XIRP2: variants seen among roughly 807,000 people sequenced by gnomAD.
XIRP2 encodes xin actin binding repeat containing 2.
XIRP2 carries 236 observed loss-of-function variants against 277.0 expected under a neutral mutation model. That is an observed-to-expected ratio of 0.85 (90% CI 0.77 to 0.95). The LOEUF is 0.95. Ranked by LOEUF, XIRP2 falls within the 40% of genes least tolerant of loss-of-function variation. The pLI is 0.00. For synonymous variants in XIRP2, 1,490 were observed against 1,416.5 expected (o/e 1.05, Z -1.17); for missense variants, 4,640 against 4,157.5 (o/e 1.12, Z -3.19).
chr2:166,906,334 A>G (rs1459724916), intron 2 of XIRP2, among the ~76,000 whole-genome samples: 4 of 152,082 alleles, frequency 2.6e-5, no homozygotes, highest in Non-Finnish European at 4.4e-5. Flanking sequence ...TATCGTGTAT[A>G]TGTACATCTA....
chr2:167,251,992 G>A (rs770819140), intron 9 of XIRP2, 45 bp downstream of exon 9: 6 of 1,512,092 alleles, frequency 4.0e-6, no homozygotes, highest in East Asian at 2.3e-5. Context: ...CCATTTAAAG[G>A]CATGTGTTCC....
intron 2 of XIRP2, among the ~76,000 whole-genome samples, chr2:167,090,914 G>A: frequency 6.6e-6 from 1 of 152,046 alleles, no homozygotes; most frequent in East Asian, 1.9e-4. Flanking sequence ...CCCTACTGGG[G>A]ATGAAATTTT....
intron 2 of XIRP2, among the ~76,000 whole-genome samples, chr2:166,940,878 G>T (rs550620399): frequency 2.1e-3 from 324 of 152,292 alleles, no homozygotes; most frequent in Middle Eastern, 6.8e-3. Flanking sequence ...CTCCCTGTTA[G>T]GCTACTCGGG....
At chr2:167,120,949 G>A (rs1034427284) in intron 2 of XIRP2, among the ~76,000 whole-genome samples, 1 of 151,940 alleles carries the variant, frequency 6.6e-6, no homozygotes, top group South Asian at 2.1e-4. Flanking sequence ...ATATCTTTGG[G>A]GTAGCTACCA....
rs1267489155 is a variant in XIRP2 at position 167,254,079 on chromosome 2, A to G, written c.10603A>G (p.Ser3535Gly). Residue 3535 changes from serine (S) to glycine (G), a missense_variant, in exon 10 of 11, where the codon AGT becomes GGT. Ser to Gly is a moderately conservative substitution (Grantham distance 56, BLOSUM62 0). Coordinates refer to ENST00000409195, the MANE Select transcript of XIRP2 (RefSeq NM_152381.6). ...QGNMYTLSKD[S>G]LSNGVPSGRQ... ...AAATATGTATACTTTGTCAAAAGAC[A>G]GTTTATCCAATGGAGTGCCTAGTGG... 10 of 1,609,412 alleles carry G rather than the reference A, an allele frequency of 6.2e-6. No individual in the cohort carries two copies. Among genetic ancestry groups the G allele is most frequent in the Non-Finnish European group, 8.5e-6 (10 of 1,177,640 alleles).
chr2:167,146,215 C>G (rs4533448), intron 3 of XIRP2, among the ~76,000 whole-genome samples: 37,908 of 151,472 alleles, frequency 0.25, 6,080 homozygotes, highest in African/African-American at 0.47. Flanking sequence ...TTTAATTATA[C>G]AGAACTGGGC....
chr2:167,244,297 G>C lies in XIRP2; in HGVS notation c.2905G>C (p.Glu969Gln). 1.2e-6 allele frequency: 2 copies of C among 1,613,826 alleles called. No individual in the cohort carries two copies. Among genetic ancestry groups the C allele is most frequent in the Admixed American group, 3.3e-5 (2 of 59,994 alleles). Residue 969 changes from glutamate to glutamine, a missense_variant, in exon 9 of 11, where the codon GAA becomes CAA. Transcript: ENST00000409195. ...KFDASHKIEV[E>Q]GVTRGAVELN... is the part of the protein sequence containing the mutation. ...TGATGCATCACATAAAATAGAGGTG[G>C]AAGGAGTTACAAGAGGTGCTGTAGA...
intron 2 of XIRP2, among the ~76,000 whole-genome samples, chr2:167,101,113 TA>T (rs1690475104): frequency 6.6e-6 from 1 of 152,196 alleles, no homozygotes; most frequent in African/African-American, 2.4e-5. Context: ...ATTCTAATTC[TA>T]AAAGTGTAAT....
At chr2:167,151,027 A>G (rs1181565154) in intron 3 of XIRP2, among the ~76,000 whole-genome samples, 2 of 152,114 alleles carry the variant, frequency 1.3e-5, no homozygotes, top group African/African-American at 4.8e-5. Flanking sequence ...ATAAAATCCT[A>G]CAACTTCAAA....
In XIRP2 at chr2:167,250,155, A is replaced by C. The variant is rs753066799; in HGVS notation, c.8763A>C (p.Thr2921=). The change falls in exon 9 of 11, where the codon ACA becomes ACC. Residue 2921 remains threonine, a synonymous_variant. Transcript: ENST00000409195. ...SNTKDSKQEI[T]QNKSFFSSVK... Reference sequence around the variant, plus strand: ...CTAAAGATTCAAAGCAAGAGATTACACAGAACAAATCTTTCTTTTCCTCTG... The same window carrying C: ...CTAAAGATTCAAAGCAAGAGATTACCCAGAACAAATCTTTCTTTTCCTCTG... 4.3e-6 allele frequency: 7 copies of C among 1,613,588 alleles called. No homozygotes were observed. The South Asian group carries it at 6.6e-5, about 15-fold the overall frequency.
At chr2:167,069,779 A>G (rs1178127525) in intron 2 of XIRP2, among the ~76,000 whole-genome samples, 1 of 152,044 alleles carries the variant, frequency 6.6e-6, no homozygotes, top group Non-Finnish European at 1.5e-5. Context: ...CTCTAGGTTT[A>G]TTTCATTTTT....
In XIRP2 at chr2:166,923,232, C is replaced by T. The variant is rs911696940; in HGVS notation, c.408+19342C>T. On this transcript the variant is annotated intron_variant, in intron 2 of 10. Transcript: ENST00000409195. The stretch of plus-strand genomic sequence containing the variant: ...AACGGTAAAAGTAACTGTAAAGTTA[C>T]AATGAGTGTACTATAAACATTGCCA... 3.9e-5 allele frequency among the ~76,000 whole-genome samples: 6 copies of T among 152,170 alleles called. No homozygotes were observed. The East Asian group carries it at 7.8e-4, about 20-fold the overall frequency.
intron 3 of XIRP2, among the ~76,000 whole-genome samples, chr2:167,165,347 T>A (rs1381704021): frequency 1.3e-5 from 2 of 152,210 alleles, no homozygotes; most frequent in Non-Finnish European, 2.9e-5. Flanking sequence ...TTTTTAACTC[T>A]TTTGGGTAAA....
At chr2:167,166,212 G>A (rs1044712175) in intron 3 of XIRP2, among the ~76,000 whole-genome samples, 3 of 151,744 alleles carry the variant, frequency 2.0e-5, no homozygotes, top group African/African-American at 7.3e-5. Flanking sequence ...TTTCTTTGAT[G>A]CATGTCACAC....
intron 3 of XIRP2, among the ~76,000 whole-genome samples, chr2:167,180,135 T>C (rs1489670865): frequency 6.6e-6 from 1 of 152,208 alleles, no homozygotes; most frequent in African/African-American, 2.4e-5. Flanking sequence ...TGAGATCAGT[T>C]GTCTTTTTTC....
chr2:166,904,690 A>T (rs985445305), intron 2 of XIRP2, among the ~76,000 whole-genome samples: 15 of 152,264 alleles, frequency 9.9e-5, no homozygotes, highest in African/African-American at 3.6e-4. Context: ...GCCTGTACAT[A>T]ATAGAAATTA....
intron 3 of XIRP2, among the ~76,000 whole-genome samples, chr2:167,159,689 C>A (rs1317395434): frequency 1.3e-5 from 2 of 151,058 alleles, no homozygotes; most frequent in African/African-American, 4.9e-5. Context: ...AATAAAAAAA[C>A]AATAAAAGGA....
intron 2 of XIRP2, among the ~76,000 whole-genome samples, chr2:167,115,405 A>G (rs142034493): frequency 6.6e-6 from 1 of 152,110 alleles, no homozygotes; most frequent in Non-Finnish European, 1.5e-5. Flanking sequence ...TAATGCATTC[A>G]TTTAGAGGAA....
intron 2 of XIRP2, among the ~76,000 whole-genome samples, chr2:166,962,416 T>G (rs1209832053): frequency 6.6e-6 from 1 of 151,686 alleles, no homozygotes; most frequent in East Asian, 1.9e-4. Flanking sequence ...TGTCATTGGA[T>G]ACACTAAAGA....
Sources: gnomAD v4.1 joint callset for allele counts (sites outside exome capture counted in the v4.1 genomes callset) on GRCh38, gnomAD v4.1.1 for gene constraint, MANE v1.5 for transcripts, NCBI Gene and HGNC (gene_info 2026-07-23, HGNC 2026-07-21) for gene names.